Variants in STIM1 observed in about 807,000 individuals in gnomAD.
The protein encoded by STIM1 is stromal interaction molecule 1.
Under a neutral mutation model 74.7 loss-of-function variants are expected in STIM1, and 25 were observed. The ratio of observed to expected loss-of-function variants is 0.33; its 90% CI spans 0.24 to 0.47. STIM1 has a LOEUF of 0.47. STIM1 is among the 20% of genes least tolerant of loss of function. The pLI, the probability that STIM1 is intolerant of heterozygous loss-of-function variation, is 1.00. For synonymous variants in STIM1, 328 were observed against 348.8 expected (o/e 0.94, Z 0.66); for missense variants, 728 against 920.8 (o/e 0.79, Z 2.71).
chr11:4,027,050 G>T (rs987992207), intron 3 of STIM1, among the ~76,000 whole-genome samples: 1 of 152,082 alleles, frequency 6.6e-6, no homozygotes, highest in Non-Finnish European at 1.5e-5. Flanking sequence ...CCCATCCTGA[G>T]TCATCTTATC....
Position 4,070,051 on chromosome 11 carries a change from C to T in STIM1, c.639C>T (p.Asp213=). 1 of 1,614,186 alleles carries T rather than the reference C, an allele frequency of 6.2e-7. No individual in the cohort carries two copies. Among genetic ancestry groups the T allele is most frequent in the East Asian group, 2.2e-5 (1 of 44,882 alleles). Residue 213 remains aspartate, a synonymous_variant, in exon 6 of 13, where the codon GAC becomes GAT. Coordinates refer to ENST00000526596, the MANE Select transcript of STIM1 (RefSeq NM_001382567.1). ...TGACTCGCCATAATCACCTCAAGGACTTCATGCTGGTGGTGTCTATCGTTA... is the reference window on the plus strand; with the variant it reads ...TGACTCGCCATAATCACCTCAAGGATTTCATGCTGGTGGTGTCTATCGTTA... ...PLLTRHNHLK[D]FMLVVSIVIG...
At chr11:3,953,086 C>G (rs1334814427) in intron 1 of STIM1, among the ~76,000 whole-genome samples, 1 of 152,154 alleles carries the variant, frequency 6.6e-6, no homozygotes, top group Non-Finnish European at 1.5e-5. Context: ...GAAGGAGTAG[C>G]TGAGTGCACC....
chr11:4,086,953 C>T (rs1459310077), intron 12 of STIM1: 1 of 1,458,194 alleles, frequency 6.9e-7, no homozygotes, highest in East Asian at 2.5e-5. Context: ...TTGATCAACT[C>T]TGGGGGTGTG....
chr11:4,068,968 G>A (rs2133155589), intron 5 of STIM1, among the ~76,000 whole-genome samples: 1 of 152,318 alleles, frequency 6.6e-6, no homozygotes, highest in East Asian at 1.9e-4. Context: ...CTTCTCTGCT[G>A]TTTAAGGGCA....
At chr11:3,903,841 G>A (rs2135446408) in intron 1 of STIM1, among the ~76,000 whole-genome samples, 1 of 152,278 alleles carries the variant, frequency 6.6e-6, no homozygotes, top group South Asian at 2.1e-4. Context: ...AGGTTACTGA[G>A]ACACCCATAA....
chr11:4,039,425 A>C (rs1019444350), intron 3 of STIM1, among the ~76,000 whole-genome samples: 3 of 151,796 alleles, frequency 2.0e-5, no homozygotes, highest in African/African-American at 7.3e-5. Flanking sequence ...CGTCTCTACT[A>C]AAAATACAAA....
chr11:3,989,564 C>T, intron 2 of STIM1: 1 of 531,558 alleles, frequency 1.9e-6, no homozygotes, highest in Non-Finnish European at 3.5e-6. Context: ...CTCCCGCCGC[C>T]CGAGCTGCTG....
At chr11:3,905,517 C>T (rs2092451234) in intron 1 of STIM1, among the ~76,000 whole-genome samples, 1 of 152,052 alleles carries the variant, frequency 6.6e-6, no homozygotes, top group Non-Finnish European at 1.5e-5. Flanking sequence ...AACTGTGCTG[C>T]TCTGCTGAAG....
intron 1 of STIM1, among the ~76,000 whole-genome samples, chr11:3,875,827 C>A (rs1291840146): frequency 6.6e-6 from 1 of 151,806 alleles, no homozygotes; most frequent in East Asian, 1.9e-4. Flanking sequence ...TATTAATAAT[C>A]AAAATAAATA....
At chr11:3,912,663 G>A (rs1331610228) in intron 1 of STIM1, among the ~76,000 whole-genome samples, 2 of 152,182 alleles carry the variant, frequency 1.3e-5, no homozygotes, top group Non-Finnish European at 2.9e-5. Context: ...ACCGTGTGCA[G>A]CCAAATCATT....
intron 3 of STIM1, among the ~76,000 whole-genome samples, chr11:4,041,636 G>T (rs1344510993): frequency 6.6e-6 from 1 of 151,082 alleles, no homozygotes; most frequent in Non-Finnish European, 1.5e-5. Flanking sequence ...TGGGATCTTT[G>T]CTATCACTCA....
intron 1 of STIM1, among the ~76,000 whole-genome samples, chr11:3,859,452 A>G (rs1489250438): frequency 2.0e-5 from 3 of 152,204 alleles, no homozygotes; most frequent in Non-Finnish European, 4.4e-5. Context: ...CTTAGACTCT[A>G]GAAAACAACA....
chr11:3,953,285 G>A (rs2093170631), intron 1 of STIM1, among the ~76,000 whole-genome samples: 1 of 152,170 alleles, frequency 6.6e-6, no homozygotes. Context: ...TCAGGAGGTT[G>A]AACACTAAAG....
At position 3,896,584 on chromosome 11, in the gene STIM1, C is replaced by T. The variant is rs551489791; in HGVS notation, c.139+40175C>T. Among the ~76,000 whole-genome samples the T allele has an allele frequency of 1.8e-3, 269 of 152,296 alleles. 1 individual carries two copies. Among genetic ancestry groups the T allele is most frequent in the African/African-American group, 5.8e-3 (242 of 41,560 alleles). On this transcript the variant is annotated intron_variant, in intron 1 of 12. Coordinates refer to ENST00000526596, the MANE Select transcript of STIM1 (RefSeq NM_001382567.1). ...AGCATAAGATTTAGTAATTTCTTCC[C>T]TCATGGAATACGTAATTTGGTGATA...
At chr11:3,894,494 G>A (rs1331830604) in intron 1 of STIM1, among the ~76,000 whole-genome samples, 1 of 152,040 alleles carries the variant, frequency 6.6e-6, no homozygotes, top group Non-Finnish European at 1.5e-5. Flanking sequence ...AGTGACCTTG[G>A]GAGCATCTAA....
chr11:3,971,729 A>G (rs1354144555), intron 2 of STIM1, among the ~76,000 whole-genome samples: 1 of 152,180 alleles, frequency 6.6e-6, no homozygotes, highest in Non-Finnish European at 1.5e-5. Context: ...TTGCTTAGAC[A>G]TGAAGCAGTT....
At chr11:3,982,756 A>G (rs1428545310) in intron 2 of STIM1, among the ~76,000 whole-genome samples, 1 of 152,200 alleles carries the variant, frequency 6.6e-6, no homozygotes, top group South Asian at 2.1e-4. Flanking sequence ...ATGGGGTTTT[A>G]TACTACAATT....
At chr11:4,063,205 C>T (rs542719433) in intron 5 of STIM1, among the ~76,000 whole-genome samples, 52 of 152,278 alleles carry the variant, frequency 3.4e-4, no homozygotes, top group African/African-American at 1.2e-3. Context: ...CCAGTGGTTG[C>T]ACAACCTTGT....
chr11:4,074,648 G>A lies in STIM1; in HGVS notation c.938G>A (p.Arg313His), dbSNP rs776331076. The A allele has an allele frequency of 1.9e-6, 3 of 1,577,468 alleles. No individual in the cohort carries two copies. Among genetic ancestry groups the A allele is most frequent in the African/African-American group, 1.3e-5 (1 of 74,180 alleles). Residue 313 changes from arginine to histidine, a missense_variant, in exon 7 of 13, where the codon CGC (arginine) becomes CAC (histidine). Coordinates refer to ENST00000526596, the MANE Select transcript of STIM1 (RefSeq NM_001382567.1). The part of the protein sequence containing the change: ...LREGTENERS[R>H]QKYAEEELEQ... ...GAGGGTACTGAGAATGAGCGGAGCC[G>A]CCAAAAATATGCTGAGGAGGAGTTG...
Sources: allele counts gnomAD v4.1 joint callset (sites outside exome capture counted in the v4.1 genomes callset), GRCh38; gene constraint gnomAD v4.1.1; transcripts MANE v1.5; gene names NCBI Gene and HGNC (gene_info 2026-07-23, HGNC 2026-07-21).